Variants in FRAS1 observed in about 807,000 individuals in gnomAD.
FRAS1 encodes the protein extracellular matrix organizing protein FRAS1.
Under a neutral mutation model 435.2 loss-of-function variants are expected in FRAS1, and 290 were observed. The ratio of observed to expected loss-of-function variants is 0.67; its 90% confidence interval spans 0.61 to 0.73. The LOEUF (loss-of-function observed/expected upper bound fraction) is 0.73, where lower values mean the gene tolerates loss of function less well. FRAS1 is among the 30% of genes least tolerant of loss of function. FRAS1 has a pLI of 0.00. For missense variants in FRAS1, 4,860 were observed against 5,001.5 expected (o/e 0.97, Z 0.85); for synonymous variants, 1,800 against 1,851.0 (o/e 0.97, Z 0.71).
At chr4:78,156,367 A>T (rs1367726925) in intron 2 of FRAS1, among the ~76,000 whole-genome samples, 9 of 149,924 alleles carry the variant, frequency 6.0e-5, no homozygotes, top group African/African-American at 9.9e-5. Context: ...GACAGGATCT[A>T]TAGTGGTGGC....
chr4:78,235,214 A>G (rs1210425224), intron 2 of FRAS1, among the ~76,000 whole-genome samples: 2 of 152,206 alleles, frequency 1.3e-5, no homozygotes, highest in African/African-American at 4.8e-5. Context: ...ACTCTCCTCT[A>G]CAAAGTACCT....
chr4:78,101,517 G>A (rs1742131507), intron 2 of FRAS1, among the ~76,000 whole-genome samples: 1 of 152,070 alleles, frequency 6.6e-6, no homozygotes, highest in Non-Finnish European at 1.5e-5. Flanking sequence ...TTTTCAAAGT[G>A]AGAGTGTATT....
intron 2 of FRAS1, chr4:78,181,759 C>T: frequency 6.2e-7 from 1 of 1,610,262 alleles, no homozygotes; most frequent in Non-Finnish European, 8.5e-7. Context: ...CCACGGGCGG[C>T]TGCGTCTCCT....
At chr4:78,188,582 C>T (rs1028822170) in intron 2 of FRAS1, among the ~76,000 whole-genome samples, 1 of 152,126 alleles carries the variant, frequency 6.6e-6, no homozygotes, top group Admixed American at 6.6e-5. Flanking sequence ...ATTGCTTTTA[C>T]TTAAAGTCAA....
At chr4:78,409,682 G>A (rs1053613219) in intron 31 of FRAS1, among the ~76,000 whole-genome samples, 1 of 152,112 alleles carries the variant, frequency 6.6e-6, no homozygotes, top group Non-Finnish European at 1.5e-5. Context: ...AATAAGAAAG[G>A]GTGTTTAAGC....
At chr4:78,082,487 T>C (rs1484233414) in intron 2 of FRAS1, among the ~76,000 whole-genome samples, 1 of 152,158 alleles carries the variant, frequency 6.6e-6, no homozygotes, top group Non-Finnish European at 1.5e-5. Flanking sequence ...AAATTTTTGA[T>C]AAATACTTGT....
intron 64 of FRAS1, among the ~76,000 whole-genome samples, chr4:78,512,875 G>A (rs6856540): frequency 1.5e-4 from 23 of 152,330 alleles, no homozygotes; most frequent in African/African-American, 5.1e-4. Flanking sequence ...GACAGTATAA[G>A]TAGCTGGATA....
chr4:78,230,718 G>C (rs1724481737), intron 2 of FRAS1, among the ~76,000 whole-genome samples: 1 of 152,142 alleles, frequency 6.6e-6, no homozygotes. Context: ...CCTGTTCGCT[G>C]CTTTGAAGGG....
rs373255053 is a variant in FRAS1, at chr4:78,438,626, T to C, written c.5274T>C (p.Tyr1758=). The C allele has an allele frequency of 9.3e-5, 150 of 1,613,708 alleles. 1 individual carries two copies. The highest frequency in any genetic ancestry group is 1.4e-5 in the Non-Finnish European group (17 of 1,179,748). The change falls in exon 39 of 74, where the codon TAT becomes TAC. Residue 1758 remains tyrosine (Y), a synonymous_variant. Coordinates refer to ENST00000512123, the MANE Select transcript of FRAS1 (RefSeq NM_025074.7). ...IWIQLNYLPS[Y]GTLLRISGSE... is the part of the protein sequence containing the mutation. ...TTCAGTTAAATTATCTGCCCTCATA[T>C]GGTACTCTCTTAAGAATCTCAGGAT...
chr4:78,326,033 C>T (rs1484765600), intron 18 of FRAS1, among the ~76,000 whole-genome samples: 1 of 152,100 alleles, frequency 6.6e-6, no homozygotes, highest in Non-Finnish European at 1.5e-5. Context: ...GTGTGTGGGA[C>T]ATTACATGAC....
intron 2 of FRAS1, among the ~76,000 whole-genome samples, chr4:78,165,530 CAATT>C (rs1289315752): frequency 1.3e-5 from 2 of 152,262 alleles, no homozygotes; most frequent in Admixed American, 1.3e-4. Context: ...AGATAGATAA[CAATT>C]AAGATAGTAA....
At chr4:78,215,790 C>T (rs1053449516) in intron 2 of FRAS1, among the ~76,000 whole-genome samples, 1 of 152,178 alleles carries the variant, frequency 6.6e-6, no homozygotes, top group African/African-American at 2.4e-5. Flanking sequence ...CAGAGTTTTC[C>T]TTCCTAAGCT....
chr4:78,530,966 C>T (rs1721692703), intron 70 of FRAS1, among the ~76,000 whole-genome samples: 1 of 143,934 alleles, frequency 6.9e-6, no homozygotes, highest in African/African-American at 2.6e-5. Context: ...TTCTTCCTAT[C>T]CGTGAGCATG....
Position 78,128,858 on chromosome 4 carries a change from G to C in FRAS1, c.108+62842G>C, listed in dbSNP as rs551571742. 2.0e-5 allele frequency among the ~76,000 whole-genome samples: 3 copies of C among 152,222 alleles called. No homozygotes were observed. The South Asian group carries it at 6.2e-4, about 32-fold the overall frequency. On this transcript the variant is annotated intron_variant, in intron 2 of 73. Coordinates refer to ENST00000512123, the MANE Select transcript of FRAS1 (RefSeq NM_025074.7). ...CCTATGTCCTGAATGGTATTGCCTA[G>C]GTTTTCTTCTAGGGTTTTTATGGTT... is the stretch of plus-strand genomic sequence containing the variant.
At chr4:78,409,144 GA>G (rs1191133027) in intron 31 of FRAS1, among the ~76,000 whole-genome samples, 157 of 140,034 alleles carry the variant, frequency 1.1e-3, no homozygotes, top group African/African-American at 3.6e-3. Flanking sequence ...AAGACAAAAA[GA>G]AAACAAAAGA....
intron 6 of FRAS1, among the ~76,000 whole-genome samples, chr4:78,261,117 G>T (rs564252100): frequency 6.6e-6 from 1 of 151,528 alleles, no homozygotes; most frequent in Non-Finnish European, 1.5e-5. Context: ...TCTGCATGGC[G>T]AGATTTTCTT....
intron 2 of FRAS1, among the ~76,000 whole-genome samples, chr4:78,124,122 G>T (rs1160567176): frequency 6.6e-6 from 1 of 152,142 alleles, no homozygotes; most frequent in Non-Finnish European, 1.5e-5. Flanking sequence ...GTCATAAATA[G>T]CTCTTATTAT....
chr4:78,396,159 G>A (rs1038997654), intron 29 of FRAS1, among the ~76,000 whole-genome samples: 1 of 151,892 alleles, frequency 6.6e-6, no homozygotes, highest in Non-Finnish European at 1.5e-5. Context: ...TATGTTACTG[G>A]CATCACAATT....
rs1417935242 is a variant in FRAS1, at chr4:78,511,496, C to G, written c.10003C>G (p.His3335Asp). 2 of 1,612,852 alleles carry G rather than the reference C, an allele frequency of 1.2e-6. No homozygotes were observed. The highest frequency in any genetic ancestry group is 1.7e-6 in the Non-Finnish European group (2 of 1,179,246). The change falls in exon 64 of 74, where the codon CAT becomes GAT. Residue 3335 changes from histidine to aspartate, a missense_variant. His to Asp is a moderately conservative substitution (Grantham distance 81). Transcript: ENST00000512123. ...ATACCTGGATGTCAAACATAAGGAG[C>G]ATCCGAACAGGTCAGGCAGGTGGTG... Reference protein sequence around the residue: ...LKYLDVKHKEHPNRIHISVQI... With the variant: ...LKYLDVKHKEDPNRIHISVQI...
Sources: allele counts gnomAD v4.1 joint callset (sites outside exome capture counted in the v4.1 genomes callset), GRCh38; gene constraint gnomAD v4.1.1; transcripts MANE v1.5; gene names NCBI Gene and HGNC (gene_info 2026-07-23, HGNC 2026-07-21).